The following NTRK2 variants were observed in gnomAD, a reference collection of about 807,000 sequenced individuals.
The protein encoded by NTRK2 is BDNF/NT-3 growth factors receptor.
In NTRK2, 13 loss-of-function variants were observed where a neutral mutation model predicts 94.5. The ratio of observed to expected loss-of-function variants is 0.14; its 90% confidence interval spans 0.09 to 0.22. The LOEUF (loss-of-function observed/expected upper bound fraction) is 0.22, where lower values mean the gene tolerates loss of function less well. Ranked by LOEUF, NTRK2 falls within the 10% of genes least tolerant of loss-of-function variation. NTRK2 has a pLI of 1.00. For missense variants in NTRK2, 639 were observed against 1,071.2 expected, an observed-to-expected ratio of 0.60 and a Z score of 5.63; for synonymous variants, 372 against 407.4, an observed-to-expected ratio of 0.91 and a Z score of 1.05.
intron 17 of NTRK2, among the ~76,000 whole-genome samples, chr9:84,959,478 T>C (rs868567899): frequency 1.5e-4 from 23 of 152,280 alleles, no homozygotes; most frequent in African/African-American, 4.8e-4. Flanking sequence ...CATGTCTCTG[T>C]GCAATTCATG....
intron 14 of NTRK2, among the ~76,000 whole-genome samples, chr9:84,905,994 G>A (rs1315993810): frequency 1.3e-5 from 2 of 152,166 alleles, no homozygotes; most frequent in Non-Finnish European, 2.9e-5. Flanking sequence ...GCTTGGGGCA[G>A]CAGAATGTGA....
In NTRK2 at chr9:84,836,212, G is replaced by A. The variant is rs548965118; in HGVS notation, c.1397-24828G>A. 3.3e-4 allele frequency among the ~76,000 whole-genome samples: 50 copies of A among 152,280 alleles called. 1 individual carries two copies. Among genetic ancestry groups the A allele is most frequent in the South Asian group, 1.5e-3 (7 of 4,814 alleles). On this transcript the variant is annotated intron_variant, in intron 12 of 18. Transcript: ENST00000277120. ...AGTTACTATTCAGGTATTTAAGGCC[G>A]TGCATGTTGATATGGGGCAAAAAAA...
At chr9:84,868,948 C>T (rs2075717677) in intron 14 of NTRK2, among the ~76,000 whole-genome samples, 1 of 152,072 alleles carries the variant, frequency 6.6e-6, no homozygotes, top group African/African-American at 2.4e-5. Context: ...AATCAACATA[C>T]CCTCAAAAAG....
At chr9:84,944,480 TTA>T (rs1419748168) in intron 15 of NTRK2, among the ~76,000 whole-genome samples, 2 of 152,174 alleles carry the variant, frequency 1.3e-5, no homozygotes, top group Admixed American at 1.3e-4. Flanking sequence ...AGCAGAAAGA[TTA>T]TACACAGAAT....
chr9:84,923,151 G>T (rs997379169), intron 14 of NTRK2, among the ~76,000 whole-genome samples: 5 of 152,146 alleles, frequency 3.3e-5, no homozygotes, highest in Admixed American at 3.3e-4. Flanking sequence ...GAGCAGCCTG[G>T]GAAGCTTGCA....
chr9:84,683,837 C>T (rs1564042400), intron 2 of NTRK2, among the ~76,000 whole-genome samples: 1 of 152,174 alleles, frequency 6.6e-6, no homozygotes, highest in Non-Finnish European at 1.5e-5. Flanking sequence ...TTCTCCACAG[C>T]CTTGCCAGCA....
At chr9:84,855,805 A>C (rs2075037352) in intron 12 of NTRK2, among the ~76,000 whole-genome samples, 2 of 152,164 alleles carry the variant, frequency 1.3e-5, no homozygotes, top group South Asian at 4.1e-4. Context: ...TTGTTCCTTG[A>C]AATTGCCCTG....
At chr9:84,778,014 C>A (rs2067220964) in intron 12 of NTRK2, among the ~76,000 whole-genome samples, 1 of 152,148 alleles carries the variant, frequency 6.6e-6, no homozygotes, top group East Asian at 1.9e-4. Context: ...GTAATGTCAA[C>A]ATTTTGGGAG....
chr9:84,853,251 C>T lies in NTRK2; in HGVS notation c.1397-7789C>T, dbSNP rs931573116. On this transcript the variant is annotated intron_variant, in intron 12 of 18. Coordinates refer to ENST00000277120, the MANE Select transcript of NTRK2 (RefSeq NM_006180.6). ...TGAGAACTTGAATAGGCCTCAGATGCCATTTCTCAAATTTTCTTTTATGGA... is the reference window on the plus strand; with the variant it reads ...TGAGAACTTGAATAGGCCTCAGATGTCATTTCTCAAATTTTCTTTTATGGA... Among the ~76,000 whole-genome samples, 3 of 152,130 alleles carry T rather than the reference C, an allele frequency of 2.0e-5. No homozygotes were observed. In the East Asian group the frequency reaches 5.8e-4, roughly 29 times the overall value.
At chr9:84,689,253 C>T (rs962923702) in intron 2 of NTRK2, among the ~76,000 whole-genome samples, 8 of 152,218 alleles carry the variant, frequency 5.3e-5, no homozygotes, top group Non-Finnish European at 8.8e-5. Flanking sequence ...ATGTAAATGG[C>T]GCTGGTTCCC....
At chr9:84,721,368 G>C (rs908219405) in intron 6 of NTRK2, among the ~76,000 whole-genome samples, 5 of 151,936 alleles carry the variant, frequency 3.3e-5, no homozygotes, top group African/African-American at 1.2e-4. Flanking sequence ...AGTAGAGATG[G>C]GGTTTCACTA....
intron 14 of NTRK2, among the ~76,000 whole-genome samples, chr9:84,878,200 TAAAA>T (rs1204653447): frequency 6.6e-6 from 1 of 152,096 alleles, no homozygotes; most frequent in African/African-American, 2.4e-5. Flanking sequence ...TTTTAAAAGA[TAAAA>T]AAGAATGCAA....
chr9:84,870,164 T>C (rs1200918279), intron 14 of NTRK2, among the ~76,000 whole-genome samples: 5 of 138,374 alleles, frequency 3.6e-5, no homozygotes, highest in Non-Finnish European at 6.2e-5. Flanking sequence ...CACATACATG[T>C]ACTGTATATA....
rs951346427 is a variant in NTRK2 at position 84,726,401 on chromosome 9, C to T, written c.854-1253C>T. 3.9e-5 allele frequency among the ~76,000 whole-genome samples: 6 copies of T among 152,190 alleles called. No individual in the cohort carries two copies. The East Asian group carries it at 7.7e-4, about 20-fold the overall frequency. On this transcript the variant is annotated intron_variant, in intron 8 of 18. Transcript: ENST00000277120. ...ACTCGGAAGGCTGAGGCATGAGAATCGCTTGAACCTGGGAGGCAGAGGTTG... is the reference window on the plus strand; with the variant it reads ...ACTCGGAAGGCTGAGGCATGAGAATTGCTTGAACCTGGGAGGCAGAGGTTG...
chr9:85,020,864 A>C (rs1266884372), intron 18 of NTRK2, among the ~76,000 whole-genome samples: 4 of 152,182 alleles, frequency 2.6e-5, no homozygotes, highest in Non-Finnish European at 4.4e-5. Flanking sequence ...ATCCATTTCT[A>C]TCTTTTTAAT....
intron 17 of NTRK2, among the ~76,000 whole-genome samples, chr9:84,968,274 C>A (rs913326381): frequency 2.6e-5 from 4 of 152,192 alleles, no homozygotes; most frequent in Non-Finnish European, 5.9e-5. Flanking sequence ...CCTCAGCACA[C>A]CCCTGGCTCC....
At chr9:84,873,404 G>A (rs2075944579) in intron 14 of NTRK2, 5 of 1,058,632 alleles carry the variant, frequency 4.7e-6, no homozygotes, top group Non-Finnish European at 5.7e-6. Flanking sequence ...CTTCTTTTAT[G>A]GCACACTGGG....
intron 2 of NTRK2, among the ~76,000 whole-genome samples, chr9:84,692,898 C>T (rs1046963362): frequency 6.6e-6 from 1 of 152,186 alleles, no homozygotes; most frequent in African/African-American, 2.4e-5. Context: ...ATTAAAGTCT[C>T]TTATGAGCAA....
intron 12 of NTRK2, among the ~76,000 whole-genome samples, chr9:84,771,597 C>T (rs2066550049): frequency 6.6e-6 from 1 of 152,184 alleles, no homozygotes; most frequent in Non-Finnish European, 1.5e-5. Flanking sequence ...GTGAAGTCAT[C>T]AGCATTTATC....
Sources: allele counts gnomAD v4.1 joint callset (sites outside exome capture counted in the v4.1 genomes callset), GRCh38; gene constraint gnomAD v4.1.1; transcripts MANE v1.5; gene names NCBI Gene and HGNC (gene_info 2026-07-23, HGNC 2026-07-21).